Variants in ZCCHC7 observed in about 807,000 individuals in gnomAD.
ZCCHC7 encodes zinc finger CCHC-type containing 7.
In ZCCHC7, 35 loss-of-function variants were observed where a neutral mutation model predicts 52.0. The ratio of observed to expected loss-of-function variants is 0.67; its 90% CI spans 0.51 to 0.89. The LOEUF (loss-of-function observed/expected upper bound fraction) is 0.89. ZCCHC7 is among the 40% of genes least tolerant of loss of function. The pLI is 0.00. For synonymous variants in ZCCHC7, 217 were observed against 221.5 expected (o/e 0.98, Z 0.18); for missense variants, 574 against 649.1 (o/e 0.88, Z 1.26).
chr9:37,186,098 T>TG (rs953213063), intron 2 of ZCCHC7, among the ~76,000 whole-genome samples: 5 of 152,148 alleles, frequency 3.3e-5, no homozygotes, highest in Non-Finnish European at 5.9e-5. Context: ...TTTGTGGGGT[T>TG]GGGGGTGTGT....
At position 37,305,795 on chromosome 9, in the gene ZCCHC7, A is replaced by G. The variant is rs904331761; in HGVS notation, c.951+81A>G. 1.0e-5 allele frequency: 15 copies of G among 1,434,516 alleles called. No individual in the cohort carries two copies. In the African/African-American group the frequency reaches 1.1e-4, roughly 11 times the overall value. 88.9% of individuals were successfully genotyped at this position (1,434,516 alleles called of 1,614,324 possible). On this transcript the variant is annotated intron_variant, in intron 5 of 8. Transcript: ENST00000336755. ...GTAATTAATGTGCAAGTTTATAACT[A>G]TCAGTCAGCATACCTAAAGGAATGT...
intron 2 of ZCCHC7, among the ~76,000 whole-genome samples, chr9:37,246,035 C>T (rs1826067719): frequency 6.6e-6 from 1 of 152,028 alleles, no homozygotes; most frequent in African/African-American, 2.4e-5. Context: ...GTGACAGGAT[C>T]ATATTTACAA....
intron 6 of ZCCHC7, among the ~76,000 whole-genome samples, chr9:37,347,064 G>A (rs1278772057): frequency 6.6e-6 from 1 of 152,128 alleles, no homozygotes; most frequent in Admixed American, 6.5e-5. Flanking sequence ...AAGAAATAAA[G>A]TGATCCACGT....
Position 37,334,704 on chromosome 9 carries a change from C to A in ZCCHC7, c.987+6870C>A, listed in dbSNP as rs945170879. ...TTGGTACATTTATAAGTATTTTCTT[C>A]CAGCTATTTTGAGTTGGTGCAATGA... On this transcript the variant is annotated intron_variant, in intron 6 of 8. Coordinates refer to ENST00000336755, the MANE Select transcript of ZCCHC7 (RefSeq NM_032226.3). Among the ~76,000 whole-genome samples the A allele has an allele frequency of 4.6e-5, 7 of 151,914 alleles. 1 individual carries two copies. Among genetic ancestry groups the A allele is most frequent in the African/African-American group, 1.7e-4 (7 of 41,456 alleles).
At chr9:37,223,432 C>G (rs1824929499) in intron 2 of ZCCHC7, among the ~76,000 whole-genome samples, 1 of 151,882 alleles carries the variant, frequency 6.6e-6, no homozygotes, top group East Asian at 1.9e-4. Flanking sequence ...AATGAAATAT[C>G]TTGAATAGGC....
chr9:37,255,603 T>C (rs1009533117), intron 2 of ZCCHC7, among the ~76,000 whole-genome samples: 2 of 152,116 alleles, frequency 1.3e-5, no homozygotes, highest in Non-Finnish European at 2.9e-5. Flanking sequence ...CCACCGATAA[T>C]GGAAGGCTAC....
chr9:37,261,645 T>C (rs1826870932), intron 2 of ZCCHC7, among the ~76,000 whole-genome samples: 1 of 152,208 alleles, frequency 6.6e-6, no homozygotes, highest in Non-Finnish European at 1.5e-5. Context: ...ATAAACACCT[T>C]TCCTTGAACA....
At chr9:37,351,444 T>A (rs1157430667) in intron 7 of ZCCHC7, among the ~76,000 whole-genome samples, 3 of 152,092 alleles carry the variant, frequency 2.0e-5, no homozygotes, top group African/African-American at 7.2e-5. Flanking sequence ...TAGCTGGGAT[T>A]ACAGGCACAC....
At chr9:37,343,761 G>A (rs1289115836) in intron 6 of ZCCHC7, among the ~76,000 whole-genome samples, 1 of 152,126 alleles carries the variant, frequency 6.6e-6, no homozygotes, top group Admixed American at 6.5e-5. Context: ...TGTTTGTTGA[G>A]CACTTCCTAT....
intron 7 of ZCCHC7, among the ~76,000 whole-genome samples, chr9:37,353,294 T>C (rs1345549140): frequency 2.0e-5 from 3 of 152,204 alleles, no homozygotes; most frequent in Admixed American, 2.0e-4. Context: ...CTGTGGCTCA[T>C]GCCTGTCATC....
chr9:37,253,149 G>GT (rs1391297859), intron 2 of ZCCHC7, among the ~76,000 whole-genome samples: 4 of 151,852 alleles, frequency 2.6e-5, no homozygotes, highest in African/African-American at 9.7e-5. Context: ...CAAGAAAACT[G>GT]TTTTTTGGAA....
intron 2 of ZCCHC7, among the ~76,000 whole-genome samples, chr9:37,215,048 C>T (rs1824431306): frequency 6.6e-6 from 1 of 151,974 alleles, no homozygotes; most frequent in African/African-American, 2.4e-5. Context: ...CCTTTTATTA[C>T]AAACAGTTAT....
chr9:37,267,771 G>C (rs908295967), intron 2 of ZCCHC7, among the ~76,000 whole-genome samples: 1 of 151,778 alleles, frequency 6.6e-6, no homozygotes, highest in African/African-American at 2.4e-5. Context: ...GGGTTTCACC[G>C]TGTTAGCCAG....
At chr9:37,342,148 C>G (rs1820679688) in intron 6 of ZCCHC7, among the ~76,000 whole-genome samples, 1 of 152,098 alleles carries the variant, frequency 6.6e-6, no homozygotes, top group Non-Finnish European at 1.5e-5. Context: ...TGGACCAGGA[C>G]AGTACTGGTA....
Position 37,126,690 on chromosome 9 carries a change from T to C in ZCCHC7, c.358T>C (p.Ser120Pro). 6.2e-7 allele frequency: 1 copy of C among 1,614,140 alleles called. No individual in the cohort carries two copies. Among genetic ancestry groups the C allele is most frequent in the Non-Finnish European group, 8.5e-7 (1 of 1,180,016 alleles). ...AGCACAAGAAAATGCCCATGGTCTT[T>C]CTTCTTCTCTTCAATCTAATGAGCT... is the stretch of plus-strand genomic sequence containing the variant. ...VQAQENAHGL[S>P]SSLQSNELVD... Residue 120 changes from serine (S) to proline (P), a missense_variant, in exon 2 of 9, where the codon TCT (serine) becomes CCT (proline). By Grantham distance (74) the Ser-to-Pro change is moderately conservative. Coordinates refer to ENST00000336755, the MANE Select transcript of ZCCHC7 (RefSeq NM_032226.3).
At chr9:37,183,626 A>G (rs1004135806) in intron 2 of ZCCHC7, among the ~76,000 whole-genome samples, 1 of 152,202 alleles carries the variant, frequency 6.6e-6, no homozygotes, top group South Asian at 2.1e-4. Flanking sequence ...ACTAACAGTT[A>G]ATTTGCTTCA....
chr9:37,235,892 T>C (rs1019852334), intron 2 of ZCCHC7, among the ~76,000 whole-genome samples: 1 of 151,946 alleles, frequency 6.6e-6, no homozygotes, highest in Non-Finnish European at 1.5e-5. Context: ...CTGGCCCTTA[T>C]TCTTTTTTTA....
Position 37,357,327 on chromosome 9 carries a change from C to T in ZCCHC7, c.*59C>T. The T allele has an allele frequency of 6.9e-7, 1 of 1,453,124 alleles. No individual in the cohort carries two copies. Among genetic ancestry groups the T allele is most frequent in the Non-Finnish European group, 9.2e-7 (1 of 1,083,736 alleles). 90.0% of individuals were successfully genotyped at this position (1,453,124 alleles called of 1,614,324 possible). ...GTTCATTTGGCCTTTGTGTCTATAA[C>T]CTTCTGGCACTGTGTTTATTATCTA... On this transcript the variant is annotated 3_prime_UTR_variant, in exon 9 of 9. Transcript: ENST00000336755.
At chr9:37,185,520 C>G (rs143267893) in intron 2 of ZCCHC7, among the ~76,000 whole-genome samples, 18 of 152,298 alleles carry the variant, frequency 1.2e-4, no homozygotes, top group Admixed American at 7.8e-4. Flanking sequence ...GCAGAAATTT[C>G]TTCTCTCAAG....
Sources: gnomAD v4.1 joint callset for allele counts (sites outside exome capture counted in the v4.1 genomes callset) on GRCh38, gnomAD v4.1.1 for gene constraint, MANE v1.5 for transcripts, NCBI Gene and HGNC (gene_info 2026-07-23, HGNC 2026-07-21) for gene names.